Variants in CYGB observed in about 807,000 individuals in gnomAD.
The protein encoded by CYGB is histoglobin.
Under a neutral mutation model 20.7 loss-of-function variants are expected in CYGB, and 13 were observed. The observed-to-expected ratio is 0.63, with a 90% CI of 0.41 to 1.00. The LOEUF is 1.00. Ranked by LOEUF, CYGB falls within the 50% of genes least tolerant of loss-of-function variation. The pLI is 0.00. For missense variants in CYGB, 218 were observed against 257.2 expected, an observed-to-expected ratio of 0.85 and a Z score of 1.04; for synonymous variants, 93 against 107.4, an observed-to-expected ratio of 0.87 and a Z score of 0.83.
chr17:76,548,250 TC>T (rs1254271600), intron 1 of CYGB, among the ~76,000 whole-genome samples: 2 of 151,276 alleles, frequency 1.3e-5, no homozygotes, highest in African/African-American at 4.9e-5. Flanking sequence ...ATACACACAG[TC>T]ACACACACAG....
intron 3 of CYGB, chr17:76,529,513 C>A: frequency 1.0e-6 from 1 of 985,466 alleles, no homozygotes; most frequent in Non-Finnish European, 1.2e-6. Context: ...TTCACTGGGG[C>A]TCGCGCCCAG....
chr17:76,542,542 C>T, upstream of CYGB: 1 of 1,614,212 alleles, frequency 6.2e-7, no homozygotes, highest in South Asian at 1.1e-5. Flanking sequence ...CCAGTGCTTT[C>T]CTCTGTTTAG....
At chr17:76,539,953 A>G, upstream of CYGB, 6 of 623,412 alleles carry the variant, frequency 9.6e-6, no homozygotes, top group Non-Finnish European at 1.7e-5. Context: ...ACCTGGGCCC[A>G]GTGAGCTTAA....
chr17:76,548,239 CAT>C (rs547366428), intron 1 of CYGB, among the ~76,000 whole-genome samples: 82 of 152,238 alleles, frequency 5.4e-4, no homozygotes, highest in Admixed American at 2.5e-3. Context: ...ATAGCATACA[CAT>C]ACACACAGTC....
rs2074839105 is a variant in CYGB, at chr17:76,531,332, G to A, written c.375+128C>T. On this transcript the variant is annotated intron_variant, in intron 2 of 3. Transcript: ENST00000293230. This position sits in a 1 kb window ranked among gnomAD's most constrained non-coding sequence, Gnocchi z 7.4. ...CCCCTCCATCCTGCTGCCGGGCACT[G>A]CCCCTCCCTCTCGCAGCCACTCCGG... 4 of 1,280,752 alleles carry A rather than the reference G, an allele frequency of 3.1e-6. No homozygotes were observed. The highest frequency in any genetic ancestry group is 3.0e-5 in the African/African-American group (2 of 67,478). 79.3% of individuals were successfully genotyped at this position (1,280,752 alleles called of 1,614,324 possible).
At chr17:76,544,942 G>A (rs1438594717) in intron 1 of CYGB, 1 of 456,760 alleles carries the variant, frequency 2.2e-6, no homozygotes, top group Admixed American at 2.3e-5. Flanking sequence ...GCTGCTCCAG[G>A]GATCCATCCA....
Position 76,528,358 on chromosome 17 carries a change from C to T in CYGB, c.*220G>A, listed in dbSNP as rs2074791107. ...TAGAAAAGCTAAGAAGAGTGGGCCC[C>T]GCTCTGCCCGCCGCGCTGGGGTCAG... On this transcript the variant is annotated 3_prime_UTR_variant, in exon 4 of 4. Coordinates refer to ENST00000293230, the MANE Select transcript of CYGB (RefSeq NM_134268.5). This position sits in a 1 kb window ranked among gnomAD's most constrained non-coding sequence, Gnocchi z 5.8. 9.7e-6 allele frequency: 4 copies of T among 414,114 alleles called. No homozygotes were observed. Among genetic ancestry groups the T allele is most frequent in the Admixed American group, 4.4e-5 (1 of 22,728 alleles). 25.7% of individuals were successfully genotyped at this position (414,114 alleles called of 1,614,324 possible).
rs762689341 is a variant in CYGB at position 76,531,034 on chromosome 17, C to T, written c.484G>A (p.Val162Met). The T allele has an allele frequency of 7.4e-6, 12 of 1,613,316 alleles. No individual in the cohort carries two copies. In the East Asian group the frequency reaches 8.9e-5, roughly 12 times the overall value. The change falls in exon 3 of 4, where the codon GTG becomes ATG. Residue 162 changes from valine to methionine, a missense_variant. Transcript: ENST00000293230. This position sits in a 1 kb window ranked among gnomAD's most constrained non-coding sequence, Gnocchi z 7.4. ...AKLRGLIYSHVTAAYKEVGWV... is the reference protein window; with the variant it reads ...AKLRGLIYSHMTAAYKEVGWV... The stretch of plus-strand genomic sequence containing the variant: ...CCCACTTCCTTGTAGGCAGCGGTCA[C>T]GTGGCTGTAGATGAGGCCACGCAGC...
rs1206063313 is a variant in CYGB, at chr17:76,527,646, G to T, written c.*932C>A. The T allele has an allele frequency of 2.2e-6, 1 of 453,918 alleles. No individual in the cohort carries two copies. Among genetic ancestry groups the T allele is most frequent in the Non-Finnish European group, 4.4e-6 (1 of 226,658 alleles). The allele number at this position is 453,918 out of a possible 1,614,324, so 28.1% of individuals were successfully genotyped here. A position where few individuals can be genotyped will look rare whatever the true frequency, so the allele number is the denominator to read the frequency against. On this transcript the variant is annotated 3_prime_UTR_variant, in exon 4 of 4. Transcript: ENST00000293230. ...GGGTGGGGAAAGCCCTCGGCCCTCG[G>T]AGCTGAGGGTGAGACCCAGGCATGT...
Position 76,533,144 on chromosome 17 carries a change from T to C in CYGB, c.144-1453A>G, listed in dbSNP as rs1269915084. The stretch of plus-strand genomic sequence containing the variant: ...GTGGAACTGCTATTGGCGGGGAAGT[T>C]TGCACAGTGACCAGGGCACAGTCTG... On this transcript the variant is annotated intron_variant, in intron 1 of 3. Coordinates refer to ENST00000293230, the MANE Select transcript of CYGB (RefSeq NM_134268.5). This position sits in a 1 kb window ranked among gnomAD's most constrained non-coding sequence, Gnocchi z 4.5. Among the ~76,000 whole-genome samples, 3 of 152,190 alleles carry C rather than the reference T, an allele frequency of 2.0e-5. No homozygotes were observed. In the East Asian group the frequency reaches 5.8e-4, roughly 29 times the overall value.
intron 3 of CYGB, chr17:76,529,123 ACCCCTGCTT>A: frequency 1.0e-6 from 1 of 958,518 alleles, no homozygotes; most frequent in Non-Finnish European, 1.2e-6. Flanking sequence ...CGCCTGGCCC[ACCCCTGCTT>A]CCCTGATAAG....
At chr17:76,541,760 G>A (rs994616464), upstream of CYGB, among the ~76,000 whole-genome samples, 6 of 152,172 alleles carry the variant, frequency 3.9e-5, no homozygotes, top group Non-Finnish European at 8.8e-5. Flanking sequence ...GGTGGTCCAC[G>A]CTATTGAGCC....
rs770750287 is a variant in CYGB, at chr17:76,537,563, C to T, written c.-21G>A. ...TCCATGAGCAGCTCCAAGCCCAGCC[C>T]GGCTTTGCTCGGCGGCGGCGGTGGC... On this transcript the variant is annotated 5_prime_UTR_variant, in exon 1 of 4. Transcript: ENST00000293230. 6.1e-6 allele frequency: 8 copies of T among 1,318,652 alleles called. No homozygotes were observed. The South Asian group carries it at 1.8e-4, about 30-fold the overall frequency. 81.7% of individuals were successfully genotyped at this position (1,318,652 alleles called of 1,614,324 possible). A position where few individuals can be genotyped will look rare whatever the true frequency, so the allele number is the denominator to read the frequency against.
rs1260029878 is a variant in CYGB at position 76,530,478 on chromosome 17, G to A, written c.539+501C>T. ...ATGTAGCTTCCTCGTGGGCTGGGGT[G>A]TGTGTGTGTGTGTATGTGTCCTCGT... On this transcript the variant is annotated intron_variant, in intron 3 of 3. Transcript: ENST00000293230. This position sits in a 1 kb window ranked among gnomAD's most constrained non-coding sequence, Gnocchi z 6.1. Among the ~76,000 whole-genome samples, 1 of 151,848 alleles carries A rather than the reference G, an allele frequency of 6.6e-6. No homozygotes were observed. Among genetic ancestry groups the A allele is most frequent in the African/African-American group, 2.4e-5 (1 of 41,358 alleles).
In CYGB at chr17:76,531,624, C is replaced by T; in HGVS notation, c.211G>A (p.Glu71Lys). ...CGCAGCTGGGGGCTCCGCTCCATCTCCAGGGGATCCTCCATGTGCTTGAAC... is the reference window on the plus strand; with the variant it reads ...CGCAGCTGGGGGCTCCGCTCCATCTTCAGGGGATCCTCCATGTGCTTGAAC... ...SQFKHMEDPL[E>K]MERSPQLRKH... is the part of the protein sequence containing the mutation. Residue 71 changes from glutamate (E) to lysine (K), a missense_variant, in exon 2 of 4, where the codon GAG (glutamate) becomes AAG (lysine). Coordinates refer to ENST00000293230, the MANE Select transcript of CYGB (RefSeq NM_134268.5). The surrounding 1 kb of genome is among the most constrained non-coding windows in gnomAD (Gnocchi z 7.4). 1 of 1,613,054 alleles carries T rather than the reference C, an allele frequency of 6.2e-7. No homozygotes were observed. The highest frequency in any genetic ancestry group is 8.5e-7 in the Non-Finnish European group (1 of 1,179,058).
chr17:76,548,355 T>C (rs954074530), intron 1 of CYGB, among the ~76,000 whole-genome samples: 2 of 152,210 alleles, frequency 1.3e-5, no homozygotes, highest in Admixed American at 6.5e-5. Flanking sequence ...GAACTAAGCA[T>C]TAAAATAAAT....
upstream of CYGB, among the ~76,000 whole-genome samples, chr17:76,539,345 C>T (rs780634074): frequency 3.9e-5 from 6 of 152,164 alleles, no homozygotes; most frequent in East Asian, 1.9e-4. Context: ...GTAATATAGT[C>T]GTATGGTGTA....
rs2074884639 is a variant in CYGB, at chr17:76,534,134, C to CTCTCTT, written c.144-2449_144-2444dup. Among the ~76,000 whole-genome samples, 10 of 131,400 alleles carry CTCTCTT rather than the reference C, an allele frequency of 7.6e-5. No individual in the cohort carries two copies. In the South Asian group the frequency reaches 7.7e-4, roughly 10 times the overall value. The allele number at this position is 131,400 out of a possible 152,430, so 86.2% of individuals were successfully genotyped here. A position where few individuals can be genotyped will look rare whatever the true frequency, so the allele number is the denominator to read the frequency against. On this transcript the variant is annotated intron_variant, in intron 1 of 3. Transcript: ENST00000293230. Reference sequence around the variant, plus strand: ...TTCTTCTTTCTTTCTTTCTTTCTCTCTCTCTTTCTCTTTCTCTCTCTCTCT... The same window carrying CTCTCTT: ...TTCTTCTTTCTTTCTTTCTTTCTCTCTCTCTTTCTCTTTCTCTTTCTCTCTCTCTCT...
chr17:76,537,333 C>A lies in CYGB; in HGVS notation c.143+67G>T, dbSNP rs925801302. ...CGCTGGAGCTCGGACCCGGGCCCAGCCCTCCTCTGCCCGGAGCCGCTGCCG... is the reference window on the plus strand; with the variant it reads ...CGCTGGAGCTCGGACCCGGGCCCAGACCTCCTCTGCCCGGAGCCGCTGCCG... On this transcript the variant is annotated intron_variant, in intron 1 of 3. Transcript: ENST00000293230. 5 of 1,467,920 alleles carry A rather than the reference C, an allele frequency of 3.4e-6. No individual in the cohort carries two copies. The Admixed American group carries it at 9.6e-5, about 28-fold the overall frequency. The allele number at this position is 1,467,920 out of a possible 1,614,324, so 90.9% of individuals were successfully genotyped here.
Sources: allele counts gnomAD v4.1 joint callset (sites outside exome capture counted in the v4.1 genomes callset), GRCh38; gene constraint gnomAD v4.1.1; non-coding constraint Gnocchi (gnomAD v3.1); transcripts MANE v1.5; gene names NCBI Gene and HGNC (gene_info 2026-07-23, HGNC 2026-07-21).